CNGA1: variants seen among roughly 807,000 people sequenced by gnomAD.
The protein encoded by CNGA1 is cyclic nucleotide gated channel subunit alpha 1.
CNGA1 carries 53 observed loss-of-function variants against 69.7 expected under a neutral mutation model. The observed-to-expected ratio is 0.76, with a 90% CI of 0.61 to 0.96. The LOEUF (loss-of-function observed/expected upper bound fraction) is 0.96. Ranked by LOEUF, CNGA1 falls within the 40% of genes least tolerant of loss-of-function variation. The probability of loss-of-function intolerance (pLI) is 0.00; values close to 1 mark genes in which losing one functional copy is unlikely to be tolerated. For missense variants in CNGA1, 739 were observed against 811.2 expected (o/e 0.91, Z 1.08); for synonymous variants, 249 against 283.5 (o/e 0.88, Z 1.22).
intron 3 of CNGA1, among the ~76,000 whole-genome samples, chr4:47,964,429 T>G (rs1274428292): frequency 1.3e-5 from 2 of 152,196 alleles, no homozygotes; most frequent in Non-Finnish European, 2.9e-5. Flanking sequence ...CTTGGAATTT[T>G]TTTTTATTAA....
At chr4:48,000,374 GTT>G (rs569343152) in intron 2 of CNGA1, among the ~76,000 whole-genome samples, 1 of 146,152 alleles carries the variant, frequency 6.8e-6, no homozygotes. Context: ...AACAATAAGT[GTT>G]TTTTTTTTTT....
intron 3 of CNGA1, among the ~76,000 whole-genome samples, chr4:47,976,730 T>G (rs1180059348): frequency 6.6e-6 from 1 of 152,220 alleles, no homozygotes; most frequent in Non-Finnish European, 1.5e-5. Flanking sequence ...CTGTATTTCA[T>G]TAATATTTTT....
chr4:48,014,898 C>G (rs568464259), intron 1 of CNGA1, among the ~76,000 whole-genome samples: 1 of 152,108 alleles, frequency 6.6e-6, no homozygotes, highest in Non-Finnish European at 1.5e-5. Context: ...TTGGGCCGGG[C>G]TAGGTGGCTC....
chr4:47,989,647 A>AT (rs1202347543), intron 2 of CNGA1, among the ~76,000 whole-genome samples: 3 of 152,112 alleles, frequency 2.0e-5, no homozygotes, highest in South Asian at 2.1e-4. Context: ...TTAAAAAAAA[A>AT]TTTTTTTTGT....
At chr4:47,992,600 A>G (rs1447561242) in intron 2 of CNGA1, among the ~76,000 whole-genome samples, 4 of 152,100 alleles carry the variant, frequency 2.6e-5, no homozygotes, top group African/African-American at 9.7e-5. Flanking sequence ...GTAAACAATC[A>G]TACCATCAGC....
In CNGA1 at chr4:47,971,087, G is replaced by A. The variant is rs151116796; in HGVS notation, c.-15+10306C>T. The A allele has an allele frequency of 1.6e-4, 74 of 451,702 alleles. 1 individual carries two copies. Among genetic ancestry groups the A allele is most frequent in the African/African-American group, 1.5e-3 (73 of 49,724 alleles). The allele number at this position is 451,702 out of a possible 1,614,324, so 28.0% of individuals were successfully genotyped here. A position where few individuals can be genotyped will look rare whatever the true frequency, so the allele number is the denominator to read the frequency against. On this transcript the variant is annotated intron_variant, in intron 3 of 10. Transcript: ENST00000514170. ...GCCACTGCACTCCAGCCTGGGCGAA[G>A]AGCGAGACTCCATCTAAAAAAAAAA...
At chr4:47,997,322 A>G (rs1010916026) in intron 2 of CNGA1, among the ~76,000 whole-genome samples, 1 of 152,194 alleles carries the variant, frequency 6.6e-6, no homozygotes, top group Non-Finnish European at 1.5e-5. Context: ...AAACAAATGG[A>G]TATCTATGTA....
At chr4:47,988,443 A>G (rs1742083539) in intron 2 of CNGA1, among the ~76,000 whole-genome samples, 1 of 152,160 alleles carries the variant, frequency 6.6e-6, no homozygotes, top group African/African-American at 2.4e-5. Context: ...TTAGGATTCC[A>G]AACAAGAGGA....
chr4:48,012,558 C>CTTTTTTTTTTTTTTTTTT lies in CNGA1; in HGVS notation c.-222-1683_-222-1666dup, dbSNP rs528643370. 2.3e-4 allele frequency among the ~76,000 whole-genome samples: 15 copies of CTTTTTTTTTTTTTTTTTT among 64,994 alleles called. 1 individual carries two copies. The highest frequency in any genetic ancestry group is 9.3e-4 in the African/African-American group (14 of 15,104). 42.6% of individuals were successfully genotyped at this position (64,994 alleles called of 152,430 possible). On this transcript the variant is annotated intron_variant, in intron 1 of 10. Transcript: ENST00000514170. ...GCCATTTTCCTCCCCACCACACCAT[C>CTTTTTTTTTTTTTTTTTT]TTTTTTTTTTTTTTTTTTTTTTTTT...
chr4:47,982,863 G>A (rs924644532), intron 2 of CNGA1, among the ~76,000 whole-genome samples: 3 of 152,030 alleles, frequency 2.0e-5, no homozygotes, highest in African/African-American at 7.2e-5. Flanking sequence ...GGAGTGCAGT[G>A]GTGCCATCGC....
At chr4:47,954,635 G>A (rs1016476866) in intron 3 of CNGA1, among the ~76,000 whole-genome samples, 10 of 152,248 alleles carry the variant, frequency 6.6e-5, no homozygotes, top group Admixed American at 4.6e-4. Context: ...TGACTGCAGA[G>A]TGGTGAATGT....
intron 1 of CNGA1, among the ~76,000 whole-genome samples, chr4:48,015,854 T>TC (rs1715354140): frequency 3.3e-5 from 5 of 152,070 alleles, no homozygotes; most frequent in African/African-American, 1.2e-4. Flanking sequence ...CGCCTCAACC[T>TC]CCCAAAGTGC....
chr4:48,011,219 C>T (rs550133182), intron 1 of CNGA1, among the ~76,000 whole-genome samples: 8 of 151,374 alleles, frequency 5.3e-5, no homozygotes, highest in South Asian at 2.1e-4. Flanking sequence ...ATTCCTTAGT[C>T]GGCCTAGGAA....
At chr4:47,982,691 T>C (rs1462970832) in intron 2 of CNGA1, among the ~76,000 whole-genome samples, 1 of 152,196 alleles carries the variant, frequency 6.6e-6, no homozygotes, top group East Asian at 1.9e-4. Context: ...AATATCTATC[T>C]AATGCGTTCT....
At position 47,937,496 on chromosome 4, in the gene CNGA1, A is replaced by C; in HGVS notation, c.986T>G (p.Val329Gly). Reference sequence around the variant, plus strand: ...TTCAGGATCATTAATATCAGGGTAGACCCATGTATCATTTCCAAATCCAAT... The same window carrying C: ...TTCAGGATCATTAATATCAGGGTAGCCCCATGTATCATTTCCAAATCCAAT... ...KAIGFGNDTW[V>G]YPDINDPEFG... The change falls in exon 11 of 11, where the codon GTC (valine) becomes GGC (glycine). Residue 329 changes from valine to glycine, a missense_variant. Coordinates refer to ENST00000514170, the MANE Select transcript of CNGA1 (RefSeq NM_001379270.1). 6.2e-7 allele frequency: 1 copy of C among 1,614,164 alleles called. No individual in the cohort carries two copies. The highest frequency in any genetic ancestry group is 1.7e-5 in the Admixed American group (1 of 60,026).
chr4:47,971,647 A>C (rs1741047312), intron 3 of CNGA1, among the ~76,000 whole-genome samples: 1 of 152,144 alleles, frequency 6.6e-6, no homozygotes, highest in Non-Finnish European at 1.5e-5. Context: ...ATCCCAGCAA[A>C]CTTTGGGAGG....
At chr4:48,015,391 C>T (rs540514421) in intron 1 of CNGA1, among the ~76,000 whole-genome samples, 1 of 152,304 alleles carries the variant, frequency 6.6e-6, no homozygotes, top group East Asian at 1.9e-4. Flanking sequence ...CTTAGCTCTT[C>T]TCTCATCCGC....
chr4:47,979,150 G>A (rs183454588), intron 3 of CNGA1, among the ~76,000 whole-genome samples: 45 of 151,704 alleles, frequency 3.0e-4, no homozygotes, highest in South Asian at 2.7e-3. Flanking sequence ...GCAAAACCCC[G>A]TCTCCACAAA....
chr4:47,965,579 A>C (rs1484086623), intron 3 of CNGA1, among the ~76,000 whole-genome samples: 1 of 151,880 alleles, frequency 6.6e-6, no homozygotes, highest in Non-Finnish European at 1.5e-5. Context: ...GGTGCCCACC[A>C]CCAGGCCCGG....
Sources: gnomAD v4.1 joint callset for allele counts (sites outside exome capture counted in the v4.1 genomes callset) on GRCh38, gnomAD v4.1.1 for gene constraint, MANE v1.5 for transcripts, NCBI Gene and HGNC (gene_info 2026-07-23, HGNC 2026-07-21) for gene names.